ASH2L: variants seen among roughly 807,000 people sequenced by gnomAD.
ASH2L encodes the protein ASH2 like, histone lysine methyltransferase complex subunit.
A neutral mutation model predicts 81.1 loss-of-function variants in ASH2L; 30 were observed. The observed-to-expected ratio is 0.37, with a 90% CI of 0.28 to 0.50. The LOEUF is 0.50. ASH2L is among the 20% of genes least tolerant of loss of function. ASH2L has a pLI of 0.95. For synonymous variants in ASH2L, 273 were observed against 279.9 expected (o/e 0.98, Z 0.24); for missense variants, 559 against 792.1 (o/e 0.71, Z 3.53).
chr8:38,110,622 A>G (rs1176524565), intron 4 of ASH2L, 117 bp from the exon 5 acceptor site: 9 of 1,136,996 alleles, frequency 7.9e-6, no homozygotes, highest in Non-Finnish European at 1.2e-5. Flanking sequence ...TTCAGGTCAC[A>G]TGATGACTCC....
chr8:38,125,617 A>G (rs1227218503), intron 10 of ASH2L, among the ~76,000 whole-genome samples: 1 of 152,172 alleles, frequency 6.6e-6, no homozygotes, highest in African/African-American at 2.4e-5. Context: ...TCAAAAAAAA[A>G]AAAAAATGCA....
intron 5 of ASH2L, among the ~76,000 whole-genome samples, chr8:38,111,856 G>A (rs1003612225): frequency 2.0e-5 from 3 of 152,164 alleles, no homozygotes; most frequent in African/African-American, 7.2e-5. Context: ...CATTGGTGCA[G>A]TACTACTAAT....
rs1467119289 is a variant in ASH2L at position 38,139,242 on chromosome 8, T to C, written c.*171T>C. On this transcript the variant is annotated 3_prime_UTR_variant, in exon 16 of 16. Transcript: ENST00000343823. ...GGAGACTGCCTGCCTTTCACCATTT[T>C]CTCCCCACTTCCAGTGACTGCTCTT... 30 of 563,296 alleles carry C rather than the reference T, an allele frequency of 5.3e-5. No homozygotes were observed. Among genetic ancestry groups the C allele is most frequent in the Non-Finnish European group, 5.9e-5 (19 of 320,746 alleles). 34.9% of individuals were successfully genotyped at this position (563,296 alleles called of 1,614,324 possible).
chr8:38,126,232 A>G (rs1801839854), intron 10 of ASH2L, among the ~76,000 whole-genome samples: 1 of 151,902 alleles, frequency 6.6e-6, no homozygotes, highest in Non-Finnish European at 1.5e-5. Context: ...AAAACACCAG[A>G]CAAATGTAAC....
Position 38,117,345 on chromosome 8 carries a change from T to A in ASH2L, c.853+620T>A, listed in dbSNP as rs578246307. 7.7e-5 allele frequency: 45 copies of A among 584,344 alleles called. No homozygotes were observed. In the East Asian group the frequency reaches 4.9e-3, roughly 63 times the overall value. The allele number at this position is 584,344 out of a possible 1,614,324, so 36.2% of individuals were successfully genotyped here. ...CTGATCATTTCTACTGTTACTAATATTTTAAGGTGGGTTGGAAATAGCTAG... is the reference window on the plus strand; with the variant it reads ...CTGATCATTTCTACTGTTACTAATAATTTAAGGTGGGTTGGAAATAGCTAG... On this transcript the variant is annotated intron_variant, in intron 8 of 15. Transcript: ENST00000343823.
Position 38,119,301 on chromosome 8 carries a change from A to G in ASH2L, c.885A>G (p.Gly295=). The G allele has an allele frequency of 6.4e-7, 1 of 1,551,182 alleles. No homozygotes were observed. Among genetic ancestry groups the G allele is most frequent in the Non-Finnish European group, 8.7e-7 (1 of 1,146,856 alleles). ...GGIAAGSSGK[G]RGAKRKQQDG... Reference sequence around the variant, plus strand: ...TTGCAGCAGGAAGCAGCGGAAAAGGACGAGGAGCCAAGCGCAAACAGCAGG... The same window carrying G: ...TTGCAGCAGGAAGCAGCGGAAAAGGGCGAGGAGCCAAGCGCAAACAGCAGG... Residue 295 remains glycine, a synonymous_variant, in exon 9 of 16, where the codon GGA becomes GGG. Transcript: ENST00000343823.
At chr8:38,117,075 T>C (rs951106683) in intron 8 of ASH2L, among the ~76,000 whole-genome samples, 1 of 152,230 alleles carries the variant, frequency 6.6e-6, no homozygotes, top group Non-Finnish European at 1.5e-5. Flanking sequence ...CTGTTACTTT[T>C]AACAGATTTC....
At chr8:38,113,370 G>A (rs1011130134) in intron 5 of ASH2L, among the ~76,000 whole-genome samples, 9 of 152,162 alleles carry the variant, frequency 5.9e-5, no homozygotes, top group East Asian at 3.9e-4. Flanking sequence ...TCCCCCATCC[G>A]TTTTTGAACT....
chr8:38,118,093 G>A (rs947649487), intron 8 of ASH2L, among the ~76,000 whole-genome samples: 1 of 152,130 alleles, frequency 6.6e-6, no homozygotes. Flanking sequence ...TTTGATTATG[G>A]TTACTTAAAC....
chr8:38,105,836 C>T, intron 1 of ASH2L, 98 bp downstream of exon 1: 2 of 1,449,540 alleles, frequency 1.4e-6, no homozygotes, highest in South Asian at 1.4e-5. Context: ...CCTGCGAACC[C>T]AGGCCCCGCC....
At chr8:38,115,270 G>A (rs1257453643) in intron 7 of ASH2L, among the ~76,000 whole-genome samples, 1 of 151,904 alleles carries the variant, frequency 6.6e-6, no homozygotes, top group Non-Finnish European at 1.5e-5. Flanking sequence ...TTCCTCGCTT[G>A]TAACATGTAA....
chr8:38,118,850 T>C (rs2843743), intron 8 of ASH2L, among the ~76,000 whole-genome samples: 137,667 of 152,218 alleles, frequency 0.9, 62,915 homozygotes, highest in Non-Finnish European at 0.99. Context: ...ACAGTGAGGA[T>C]ATTCTCTCTT....
chr8:38,108,517 T>A (rs1195570503), intron 3 of ASH2L, among the ~76,000 whole-genome samples: 3 of 145,158 alleles, frequency 2.1e-5, no homozygotes, highest in South Asian at 2.2e-4. Context: ...GGTATCAAGT[T>A]AAAAAAAAAA....
At chr8:38,135,627 T>G in intron 13 of ASH2L, 41 bp from the exon 14 acceptor site, 5 of 1,456,412 alleles carry the variant, frequency 3.4e-6, no homozygotes, top group Non-Finnish European at 4.7e-6. Flanking sequence ...TTGTTTGTTC[T>G]TTTTTACAGT....
rs1214209674 is a variant in ASH2L at position 38,106,080 on chromosome 8, G to C, written c.189-298G>C. 6.2e-5 allele frequency: 95 copies of C among 1,524,436 alleles called. No individual in the cohort carries two copies. In the Admixed American group the frequency reaches 1.6e-3, roughly 25 times the overall value. The allele number at this position is 1,524,436 out of a possible 1,614,324, so 94.4% of individuals were successfully genotyped here. On this transcript the variant is annotated intron_variant, in intron 1 of 15. Coordinates refer to ENST00000343823, the MANE Select transcript of ASH2L (RefSeq NM_004674.5). ...GACTGGAAGAAGTAACGGTCACTCT[G>C]AAAACAGGGTGGGAGAGCTGCCTCT...
At chr8:38,129,044 C>T (rs1801960408) in intron 12 of ASH2L, 93 bp downstream of exon 12, 1 of 1,494,506 alleles carries the variant, frequency 6.7e-7, no homozygotes, top group Non-Finnish European at 8.9e-7. Flanking sequence ...AGGAACTGAG[C>T]CACAGCTCAC....
Position 38,139,074 on chromosome 8 carries a change from AGG to A in ASH2L, c.*4_*5del. The A allele has an allele frequency of 6.4e-7, 1 of 1,573,870 alleles. No homozygotes were observed. The highest frequency in any genetic ancestry group is 8.6e-7 in the Non-Finnish European group (1 of 1,158,378). On this transcript the variant is annotated 3_prime_UTR_variant, in exon 16 of 16. Transcript: ENST00000343823. ...GCAGTCCCCCATGGGAACCCTGACC[AGG>A]TCCCTCTTTTCTGTCAAGGACTTTC...
At position 38,113,881 on chromosome 8, in the gene ASH2L, G is replaced by A. The variant is rs1337956944; in HGVS notation, c.586-311G>A. On this transcript the variant is annotated intron_variant, in intron 5 of 15. Coordinates refer to ENST00000343823, the MANE Select transcript of ASH2L (RefSeq NM_004674.5). ...ATAGGAGTTCAAGAGAGAATAATTT[G>A]GGAGTCATCTTCCAATTGACAGCCA... Among the ~76,000 whole-genome samples the A allele has an allele frequency of 2.0e-5, 3 of 152,170 alleles. No individual in the cohort carries two copies. The East Asian group carries it at 5.8e-4, about 29-fold the overall frequency.
In ASH2L at chr8:38,105,570, G is replaced by C. The variant is rs995748906; in HGVS notation, c.20G>C (p.Gly7Ala). ...GCCGTGATGGCGGCGGCAGGAGCAGGACCTGGCCAGGAAGCGGGTGCCGGG... is the reference window on the plus strand; with the variant it reads ...GCCGTGATGGCGGCGGCAGGAGCAGCACCTGGCCAGGAAGCGGGTGCCGGG... MAAAGA[G>A]PGQEAGAGPG... The change falls in exon 1 of 16, where the codon GGA (glycine) becomes GCA (alanine). Residue 7 changes from glycine (G) to alanine (A), a missense_variant. By Grantham distance (60) the Gly-to-Ala change is moderately conservative. Coordinates refer to ENST00000343823, the MANE Select transcript of ASH2L (RefSeq NM_004674.5). The C allele has an allele frequency of 1.9e-6, 3 of 1,580,180 alleles. No homozygotes were observed. Among genetic ancestry groups the C allele is most frequent in the East Asian group, 2.3e-5 (1 of 42,630 alleles).
Sources: allele counts gnomAD v4.1 joint callset (sites outside exome capture counted in the v4.1 genomes callset), GRCh38; gene constraint gnomAD v4.1.1; transcripts MANE v1.5; gene names NCBI Gene and HGNC (gene_info 2026-07-23, HGNC 2026-07-21).